ARHGEF10L: variants seen among roughly 807,000 people sequenced by gnomAD.
ARHGEF10L encodes Rho guanine nucleotide exchange factor 10 like.
A neutral mutation model predicts 141.2 loss-of-function variants in ARHGEF10L; 69 were observed. The ratio of observed to expected loss-of-function variants is 0.49; its 90% CI spans 0.40 to 0.60. The LOEUF is 0.60. Ranked by LOEUF, ARHGEF10L falls within the 20% of genes least tolerant of loss-of-function variation. The probability of loss-of-function intolerance (pLI) is 0.00; values close to 1 mark genes in which losing one functional copy is unlikely to be tolerated. For synonymous variants in ARHGEF10L, 711 were observed against 718.5 expected (o/e 0.99, Z 0.17); for missense variants, 1,482 against 1,734.3 (o/e 0.85, Z 2.58).
intron 7 of ARHGEF10L, among the ~76,000 whole-genome samples, chr1:17,608,376 C>T (rs1418563093): frequency 1.3e-5 from 2 of 152,214 alleles, no homozygotes; most frequent in African/African-American, 4.8e-5. Flanking sequence ...ACTTGCTCTC[C>T]CCGCCTTCTG....
chr1:17,680,330 C>G (rs112690333), intron 26 of ARHGEF10L, among the ~76,000 whole-genome samples: 29 of 152,360 alleles, frequency 1.9e-4, no homozygotes, highest in African/African-American at 6.7e-4. Flanking sequence ...GACATCTCAG[C>G]TCTAATGACT....
At chr1:17,560,021 C>G (rs762879899) in intron 1 of ARHGEF10L, among the ~76,000 whole-genome samples, 1 of 152,166 alleles carries the variant, frequency 6.6e-6, no homozygotes, top group Non-Finnish European at 1.5e-5. Context: ...TTAACCCACA[C>G]GCATAGCTCC....
chr1:17,541,921 C>T (rs937733371), intron 1 of ARHGEF10L, among the ~76,000 whole-genome samples: 1 of 151,874 alleles, frequency 6.6e-6, no homozygotes, highest in Non-Finnish European at 1.5e-5. Context: ...GAGCCAAGAT[C>T]GCACCATTGC....
chr1:17,630,414 CG>C (rs745617938), intron 15 of ARHGEF10L, among the ~76,000 whole-genome samples: 3 of 152,312 alleles, frequency 2.0e-5, no homozygotes, highest in East Asian at 1.9e-4. Context: ...GCCCTTGGGG[CG>C]GGGGGCCCTG....
At chr1:17,567,418 G>C (rs1356862934) in intron 1 of ARHGEF10L, among the ~76,000 whole-genome samples, 1 of 152,206 alleles carries the variant, frequency 6.6e-6, no homozygotes, top group Non-Finnish European at 1.5e-5. Context: ...CCAGGCTGGA[G>C]TACAATGGCG....
chr1:17,608,065 G>A (rs2081340727), intron 7 of ARHGEF10L, 88 bp downstream of exon 7: 7 of 1,300,726 alleles, frequency 5.4e-6, no homozygotes, highest in Middle Eastern at 2.7e-4. Context: ...GGTAGTGAGG[G>A]CCAGGCCTAG....
At chr1:17,526,706 C>G in the ARHGEF10L span, among the ~76,000 whole-genome samples, 1 of 152,104 alleles carries the variant, frequency 6.6e-6, no homozygotes, top group Non-Finnish European at 1.5e-5. Context: ...GAGTTTGAGA[C>G]CAGCCTGGGC....
At chr1:17,681,240 G>A (rs1013638616) in intron 26 of ARHGEF10L, among the ~76,000 whole-genome samples, 23 of 152,158 alleles carry the variant, frequency 1.5e-4, no homozygotes, top group African/African-American at 5.6e-4. Flanking sequence ...TCAGTTGCAG[G>A]CATCATTACC....
At chr1:17,682,868 G>A (rs1162268372) in intron 26 of ARHGEF10L, among the ~76,000 whole-genome samples, 1 of 152,192 alleles carries the variant, frequency 6.6e-6, no homozygotes, top group African/African-American at 2.4e-5. Context: ...GCACAGGTCT[G>A]GAGGTGCTTG....
intron 26 of ARHGEF10L, among the ~76,000 whole-genome samples, chr1:17,683,928 A>G (rs985568785): frequency 8.5e-5 from 13 of 152,154 alleles, no homozygotes; most frequent in Non-Finnish European, 1.6e-4. Flanking sequence ...GGAGGCTGAA[A>G]ATACTTCTGA....
intron 1 of ARHGEF10L, among the ~76,000 whole-genome samples, chr1:17,547,114 A>G (rs2076945827): frequency 6.6e-6 from 1 of 152,122 alleles, no homozygotes; most frequent in Non-Finnish European, 1.5e-5. Context: ...CAGTGCCCAT[A>G]TGCTATGGAA....
intron 1 of ARHGEF10L, among the ~76,000 whole-genome samples, chr1:17,567,925 T>C (rs1410013656): frequency 2.0e-5 from 3 of 152,232 alleles, no homozygotes; most frequent in Non-Finnish European, 4.4e-5. Flanking sequence ...TTCCTGTCCT[T>C]GACCCTCTTC....
At position 17,558,021 on chromosome 1, in the gene ARHGEF10L, C is replaced by G. The variant is rs2077403951; in HGVS notation, c.-44+18071C>G. Among the ~76,000 whole-genome samples the G allele has an allele frequency of 6.6e-6, 1 of 152,154 alleles. No homozygotes were observed. Among genetic ancestry groups the G allele is most frequent in the East Asian group, 1.9e-4 (1 of 5,194 alleles). ...ACTCTTCCTCCCCACCATCCACCCA[C>G]TCGCCCATTCATTCATCTCTCCATT... On this transcript the variant is annotated intron_variant, in intron 1 of 28. Coordinates refer to ENST00000361221, the MANE Select transcript of ARHGEF10L (RefSeq NM_018125.4). The surrounding 1 kb of genome is among the most constrained non-coding windows in gnomAD (Gnocchi z 4.2).
Position 17,697,272 on chromosome 1 carries a change from G to T in ARHGEF10L, c.3732G>T (p.Gly1244=), listed in dbSNP as rs775411690. Residue 1244 remains glycine, a synonymous_variant, in exon 29 of 29, where the codon GGG becomes GGT. Coordinates refer to ENST00000361221, the MANE Select transcript of ARHGEF10L (RefSeq NM_018125.4). The surrounding 1 kb of genome is among the most constrained non-coding windows in gnomAD (Gnocchi z 4.8). ...GCTCTGTGGCCATCATCTCCGGCGGGCAGGGCTACCGCAACTTTGGCAGCG... is the reference window on the plus strand; with the variant it reads ...GCTCTGTGGCCATCATCTCCGGCGGTCAGGGCTACCGCAACTTTGGCAGCG... The part of the protein sequence containing the change: ...EICSVAIISG[G]QGYRNFGSAL... The T allele has an allele frequency of 1.2e-6, 2 of 1,612,734 alleles. No individual in the cohort carries two copies. Among genetic ancestry groups the T allele is most frequent in the East Asian group, 2.2e-5 (1 of 44,868 alleles).
intron 19 of ARHGEF10L, 75 bp downstream of exon 19, chr1:17,638,078 G>A: frequency 7.4e-7 from 1 of 1,350,386 alleles, no homozygotes; most frequent in Non-Finnish European, 1.0e-6. Context: ...AAGCTGAGTA[G>A]GGAGGGGCTC....
At chr1:17,611,777 A>G (rs554277197) in intron 7 of ARHGEF10L, among the ~76,000 whole-genome samples, 1 of 152,362 alleles carries the variant, frequency 6.6e-6, no homozygotes, top group African/African-American at 2.4e-5. Context: ...TTCTCTAGCT[A>G]GTAAGCAGAG....
chr1:17,683,988 C>T (rs1386035540), intron 26 of ARHGEF10L, among the ~76,000 whole-genome samples: 1 of 152,200 alleles, frequency 6.6e-6, no homozygotes, highest in Non-Finnish European at 1.5e-5. Context: ...TGTGAGCATG[C>T]AGATACCTCT....
chr1:17,618,256 C>CAA, intron 9 of ARHGEF10L: 1 of 1,371,142 alleles, frequency 7.3e-7, no homozygotes, highest in Non-Finnish European at 9.7e-7. Context: ...CTCCTCAGCC[C>CAA]TCCCCACCCC....
At chr1:17,566,894 G>A (rs1483819616) in intron 1 of ARHGEF10L, among the ~76,000 whole-genome samples, 3 of 152,042 alleles carry the variant, frequency 2.0e-5, no homozygotes, top group East Asian at 3.9e-4. Context: ...GATGCCAAGG[G>A]ATGCAGACTG....
Sources: allele counts gnomAD v4.1 joint callset (sites outside exome capture counted in the v4.1 genomes callset), GRCh38; gene constraint gnomAD v4.1.1; non-coding constraint Gnocchi (gnomAD v3.1); transcripts MANE v1.5; gene names NCBI Gene and HGNC (gene_info 2026-07-23, HGNC 2026-07-21).